PCDHAC1: variants seen among roughly 807,000 people sequenced by gnomAD.
PCDHAC1 encodes protocadherin alpha-C1.
A neutral mutation model predicts 60.0 loss-of-function variants in PCDHAC1; 42 were observed. The ratio of observed to expected loss-of-function variants is 0.70; its 90% CI spans 0.55 to 0.90. The LOEUF (loss-of-function observed/expected upper bound fraction) is 0.90. Among genes scored for constraint, PCDHAC1 ranks in the 40% least tolerant of loss-of-function variants. The pLI is 0.00. For synonymous variants in PCDHAC1, 468 were observed against 499.3 expected (o/e 0.94, Z 0.84); for missense variants, 1,160 against 1,222.3 (o/e 0.95, Z 0.76).
At position 140,947,043 on chromosome 5, in the gene PCDHAC1, G is replaced by T. The variant is rs188994500; in HGVS notation, c.2433+17718G>T. Among the ~76,000 whole-genome samples the T allele has an allele frequency of 1.7e-3, 259 of 151,702 alleles. 2 individuals carry two copies. Among genetic ancestry groups the T allele is most frequent in the African/African-American group, 5.9e-3 (243 of 41,466 alleles). On this transcript the variant is annotated intron_variant, in intron 1 of 3. Transcript: ENST00000253807. ...AGGTAATGGATATACTAATTACCCT[G>T]ATTTGATCATTACACAGTGTATATA... is the stretch of plus-strand genomic sequence containing the variant.
At chr5:140,967,198 C>T (rs2096112626) in intron 1 of PCDHAC1, 9 of 1,613,662 alleles carry the variant, frequency 5.6e-6, no homozygotes, top group South Asian at 1.1e-5. Flanking sequence ...TCAACGACAA[C>T]TCACCGCGTT....
At chr5:141,006,445 C>T (rs1202981865) in intron 3 of PCDHAC1, among the ~76,000 whole-genome samples, 2 of 152,062 alleles carry the variant, frequency 1.3e-5, no homozygotes, top group Non-Finnish European at 2.9e-5. Context: ...AATCTCCTGA[C>T]CTCGAGATCT....
At position 140,927,275 on chromosome 5, in the gene PCDHAC1, A is replaced by G; in HGVS notation, c.383A>G (p.Asp128Gly). The change falls in exon 1 of 4, where the codon GAC (aspartate) becomes GGC (glycine). Residue 128 changes from aspartate (D) to glycine (G), a missense_variant. Asp to Gly is a moderately conservative substitution (Grantham distance 94, BLOSUM62 -1). Coordinates refer to ENST00000253807, the MANE Select transcript of PCDHAC1 (RefSeq NM_018898.5). The part of the protein sequence containing the change: ...NDNSPLFPAG[D>G]VQLHIPEFLT... ...AACTCACCTCTCTTTCCTGCCGGCG[A>G]CGTGCAGCTGCACATCCCCGAGTTC... The G allele has an allele frequency of 6.2e-7, 1 of 1,614,124 alleles. No individual in the cohort carries two copies. Among genetic ancestry groups the G allele is most frequent in the Non-Finnish European group, 8.5e-7 (1 of 1,180,036 alleles).
chr5:141,006,921 A>G (rs1229765479), intron 3 of PCDHAC1, among the ~76,000 whole-genome samples: 1 of 152,176 alleles, frequency 6.6e-6, no homozygotes, highest in Non-Finnish European at 1.5e-5. Context: ...TGCCCATGAG[A>G]TTTCCAACTG....
intron 1 of PCDHAC1, among the ~76,000 whole-genome samples, chr5:140,948,600 A>G (rs1369107358): frequency 6.6e-6 from 1 of 151,576 alleles, no homozygotes; most frequent in African/African-American, 2.4e-5. Flanking sequence ...TCAATTTATC[A>G]TATTTTTGGC....
chr5:141,010,353 G>T lies in PCDHAC1; in HGVS notation c.*416G>T. On this transcript the variant is annotated 3_prime_UTR_variant, in exon 4 of 4. Transcript: ENST00000253807. Reference sequence around the variant, plus strand: ...AGTTTGTGGCCACTGGGTATGTGTGGCTACCGCGGGTATGCGAGTGCCAGA... The same window carrying T: ...AGTTTGTGGCCACTGGGTATGTGTGTCTACCGCGGGTATGCGAGTGCCAGA... The T allele has an allele frequency of 6.6e-7, 1 of 1,507,486 alleles. No homozygotes were observed. Among genetic ancestry groups the T allele is most frequent in the Non-Finnish European group, 8.9e-7 (1 of 1,128,244 alleles). 93.4% of individuals were successfully genotyped at this position (1,507,486 alleles called of 1,614,324 possible).
At chr5:140,964,844 A>G (rs2095857701) in intron 1 of PCDHAC1, among the ~76,000 whole-genome samples, 1 of 152,160 alleles carries the variant, frequency 6.6e-6, no homozygotes, top group Admixed American at 6.5e-5. Flanking sequence ...CCTACTCTGT[A>G]CCCTTGAGGA....
chr5:140,994,667 T>G (rs2097644091), intron 3 of PCDHAC1, among the ~76,000 whole-genome samples: 1 of 152,140 alleles, frequency 6.6e-6, no homozygotes, highest in Non-Finnish European at 1.5e-5. Flanking sequence ...ATCACACTAC[T>G]GCACTCCAGC....
At chr5:140,966,638 T>A in intron 1 of PCDHAC1, 2 of 1,090,114 alleles carry the variant, frequency 1.8e-6, no homozygotes, top group South Asian at 2.2e-5. Flanking sequence ...CCAGGCGCTT[T>A]CTAGAGCGTG....
intron 1 of PCDHAC1, among the ~76,000 whole-genome samples, chr5:140,972,314 GTGT>G (rs1387433472): frequency 1.3e-5 from 2 of 150,490 alleles, no homozygotes; most frequent in Non-Finnish European, 3.0e-5. Context: ...TAGTTTTTAG[GTGT>G]TTTTTTTTTT....
chr5:140,986,753 A>C (rs2097211895), intron 3 of PCDHAC1, among the ~76,000 whole-genome samples: 1 of 152,236 alleles, frequency 6.6e-6, no homozygotes, highest in Non-Finnish European at 1.5e-5. Flanking sequence ...CTGGGACTAA[A>C]CAGTGAAAGA....
intron 1 of PCDHAC1, among the ~76,000 whole-genome samples, chr5:140,976,117 G>C (rs782098917): frequency 5.4e-4 from 82 of 152,208 alleles, no homozygotes; most frequent in Admixed American, 1.4e-3. Flanking sequence ...ATTTTTCCAA[G>C]TTTAATCAAG....
At chr5:140,969,957 G>A (rs1554232176) in intron 1 of PCDHAC1, among the ~76,000 whole-genome samples, 1 of 152,178 alleles carries the variant, frequency 6.6e-6, no homozygotes, top group East Asian at 1.9e-4. Flanking sequence ...AGTTTGCTTT[G>A]GCTGTATGAT....
intron 1 of PCDHAC1, chr5:140,968,823 A>T (rs569036779): frequency 1.2e-6 from 2 of 1,614,192 alleles, no homozygotes; most frequent in Non-Finnish European, 8.5e-7. Context: ...AGGGTTTCCA[A>T]AATCCTCCCT....
intron 1 of PCDHAC1, among the ~76,000 whole-genome samples, chr5:140,947,798 A>C (rs1164932467): frequency 7.3e-5 from 11 of 151,710 alleles, no homozygotes; most frequent in African/African-American, 1.9e-4. Context: ...CAGACTTTTA[A>C]TTTGCAGAGA....
chr5:140,963,771 GA>G (rs1459827253), intron 1 of PCDHAC1, among the ~76,000 whole-genome samples: 2 of 152,164 alleles, frequency 1.3e-5, no homozygotes, highest in African/African-American at 4.8e-5. Context: ...ATTTCATGAC[GA>G]CAGCAACAAC....
intron 1 of PCDHAC1, among the ~76,000 whole-genome samples, chr5:140,948,191 C>A (rs2094221032): frequency 6.6e-6 from 1 of 151,562 alleles, no homozygotes; most frequent in African/African-American, 2.4e-5. Context: ...CCCACTTAGT[C>A]ATGATATATT....
chr5:140,941,214 C>CTTCTTTCTTTCTTT (rs1554214039), intron 1 of PCDHAC1, among the ~76,000 whole-genome samples: 1 of 122,414 alleles, frequency 8.2e-6, no homozygotes. Flanking sequence ...TTTCTTTCTT[C>CTTCTTTCTTTCTTT]CTTTCTTTCT....
rs142570778 is a variant in PCDHAC1 at position 141,009,810 on chromosome 5, A to G, written c.2765A>G (p.Asp922Gly). ...CAGGAGCCTACTAACAGCCAAATTG[A>G]CAAAAGTGACTTCATAACCTTCGGC... ...IRQEPTNSQI[D>G]KSDFITFGKK... The change falls in exon 4 of 4, where the codon GAC (aspartate) becomes GGC (glycine). Residue 922 changes from aspartate to glycine, a missense_variant. Asp to Gly is a moderately conservative substitution (Grantham distance 94). Transcript: ENST00000253807. 8 of 1,614,016 alleles carry G rather than the reference A, an allele frequency of 5.0e-6. No individual in the cohort carries two copies. Among genetic ancestry groups the G allele is most frequent in the Admixed American group, 3.3e-5 (2 of 60,000 alleles).
Sources: gnomAD v4.1 joint callset for allele counts (sites outside exome capture counted in the v4.1 genomes callset) on GRCh38, gnomAD v4.1.1 for gene constraint, MANE v1.5 for transcripts, NCBI Gene and HGNC (gene_info 2026-07-23, HGNC 2026-07-21) for gene names.